Variants in ABCB11 observed in about 807,000 individuals in gnomAD.
ABCB11 encodes the protein ATP binding cassette subfamily B member 11, also known as bile salt export pump.
ABCB11 carries 95 observed loss-of-function variants against 148.0 expected under a neutral mutation model. The observed-to-expected ratio is 0.64, with a 90% CI of 0.54 to 0.76. ABCB11 has a LOEUF of 0.76. Among genes scored for constraint, ABCB11 ranks in the 30% least tolerant of loss-of-function variants. ABCB11 has a pLI of 0.00. For synonymous variants in ABCB11, 591 were observed against 555.4 expected, an observed-to-expected ratio of 1.06 and a Z score of -0.90; for missense variants, 1,523 against 1,617.8, an observed-to-expected ratio of 0.94 and a Z score of 1.01.
At position 169,004,245 on chromosome 2, in the gene ABCB11, A is replaced by G. The variant is rs1023452623; in HGVS notation, c.390-7523T>C. The stretch of plus-strand genomic sequence containing the variant: ...CAGCAAGGCCAGGGAAGTTTTCCTC[A>G]ATTATTCCTTCAGATATATTTTCCA... On this transcript the variant is annotated intron_variant, in intron 5 of 27. Transcript: ENST00000650372. Among the ~76,000 whole-genome samples the G allele has an allele frequency of 4.6e-5, 7 of 152,284 alleles. No individual in the cohort carries two copies. In the East Asian group the frequency reaches 1.4e-3, roughly 29 times the overall value.
intron 19 of ABCB11, among the ~76,000 whole-genome samples, chr2:168,946,337 A>G (rs902072702): frequency 2.0e-5 from 3 of 151,934 alleles, no homozygotes; most frequent in African/African-American, 7.2e-5. Flanking sequence ...CTTGGAAACA[A>G]TATGTGCTAC....
intron 12 of ABCB11, among the ~76,000 whole-genome samples, chr2:168,974,231 A>G (rs1416869890): frequency 6.6e-6 from 1 of 152,020 alleles, no homozygotes; most frequent in Non-Finnish European, 1.5e-5. Flanking sequence ...AGTTAGAAAT[A>G]TAGTACTAAT....
chr2:168,964,359 C>A lies in ABCB11; in HGVS notation c.2076-51G>T. ...AGTGTAGACTGTGGCCAGATTGGAG[C>A]AGGATCAACTGGTGTCCAAGTTTAC... On this transcript the variant is annotated intron_variant, in intron 17 of 27. Coordinates refer to ENST00000650372, the MANE Select transcript of ABCB11 (RefSeq NM_003742.4). 4 of 1,388,480 alleles carry A rather than the reference C, an allele frequency of 2.9e-6. No individual in the cohort carries two copies. The South Asian group carries it at 5.0e-5, about 17-fold the overall frequency. The allele number at this position is 1,388,480 out of a possible 1,614,324, so 86.0% of individuals were successfully genotyped here.
intron 21 of ABCB11, among the ~76,000 whole-genome samples, chr2:168,940,035 CTCTT>C (rs1691994392): frequency 6.6e-6 from 1 of 152,062 alleles, no homozygotes. Flanking sequence ...CTGTCTCTCT[CTCTT>C]TCTATCCTCA....
At chr2:168,968,990 A>G (rs756482129) in intron 16 of ABCB11, among the ~76,000 whole-genome samples, 3 of 151,918 alleles carry the variant, frequency 2.0e-5, no homozygotes, top group Non-Finnish European at 2.9e-5. Context: ...AACCTGAAGT[A>G]TCTATCTACA....
chr2:168,928,225 C>T (rs1559177242), intron 25 of ABCB11, among the ~76,000 whole-genome samples: 1 of 152,132 alleles, frequency 6.6e-6, no homozygotes. Context: ...TTATCTTGCT[C>T]TACTCATTTT....
At chr2:168,935,144 G>T (rs543894488) in intron 23 of ABCB11, 40 bp downstream of exon 23, 1 of 1,610,354 alleles carries the variant, frequency 6.2e-7, no homozygotes. Context: ...TTCCTTCCTT[G>T]TGTGTTGATC....
intron 10 of ABCB11, among the ~76,000 whole-genome samples, chr2:168,981,496 A>C (rs1694136587): frequency 6.6e-6 from 1 of 152,168 alleles, no homozygotes; most frequent in South Asian, 2.1e-4. Flanking sequence ...CAAATGAGAT[A>C]ATGTGTGTAA....
intron 12 of ABCB11, among the ~76,000 whole-genome samples, chr2:168,974,603 C>T (rs1693732213): frequency 6.6e-6 from 1 of 151,868 alleles, no homozygotes; most frequent in Non-Finnish European, 1.5e-5. Flanking sequence ...AGCAAGCAGG[C>T]ATCAAATGTG....
In ABCB11 at chr2:168,932,359, T is replaced by G. The variant is rs917851271; in HGVS notation, c.3213+18A>C. On this transcript the variant is annotated intron_variant, in intron 24 of 27. Coordinates refer to ENST00000650372, the MANE Select transcript of ABCB11 (RefSeq NM_003742.4). ...GAACTCATCCTTTTTTATGGCTGCA[T>G]AGTATTCCAACACTTACCCATTTTT... The G allele has an allele frequency of 6.5e-6, 10 of 1,547,400 alleles. No homozygotes were observed. The highest frequency in any genetic ancestry group is 7.0e-6 in the Non-Finnish European group (8 of 1,143,412).
In ABCB11 at chr2:169,013,427, G is replaced by A. The variant is rs752486437; in HGVS notation, c.234C>T (p.Gly78=). Residue 78 remains glycine, a synonymous_variant, in exon 5 of 28, where the codon GGC becomes GGT. Coordinates refer to ENST00000650372, the MANE Select transcript of ABCB11 (RefSeq NM_003742.4). ...CAFLHGIAQP[G]VLLIFGTMTD... is the part of the protein sequence containing the mutation. ...TCATTGTGCCAAAAATGAGTAGCACGCCTGGCTGGGCTATTCCATGGAGAA... is the reference window on the plus strand; with the variant it reads ...TCATTGTGCCAAAAATGAGTAGCACACCTGGCTGGGCTATTCCATGGAGAA... The A allele has an allele frequency of 2.0e-5, 33 of 1,613,662 alleles. No individual in the cohort carries two copies. Among genetic ancestry groups the A allele is most frequent in the Middle Eastern group, 3.3e-4 (2 of 6,078 alleles).
At position 168,927,236 on chromosome 2, in the gene ABCB11, T is replaced by C; in HGVS notation, c.3538A>G (p.Thr1180Ala). 4 of 1,613,858 alleles carry C rather than the reference T, an allele frequency of 2.5e-6. No homozygotes were observed. The South Asian group carries it at 4.4e-5, about 18-fold the overall frequency. The change falls in exon 26 of 28, where the codon ACC becomes GCC. Residue 1180 changes from threonine (T) to alanine (A), a missense_variant. Transcript: ENST00000650372. The part of the protein sequence containing the change: ...IMDNIKYGDN[T>A]KEIPMERVIA... ...ACTCTTTCCATGGGAATTTCTTTGG[T>C]GTTGTCTCCATACTTGATATTGTCC...
At chr2:168,991,293 G>A (rs745455542) in intron 8 of ABCB11, among the ~76,000 whole-genome samples, 11 of 151,946 alleles carry the variant, frequency 7.2e-5, no homozygotes, top group Non-Finnish European at 1.3e-4. Context: ...ATAGACAAAC[G>A]CCAGAGACAC....
Position 168,944,676 on chromosome 2 carries a change from AC to A in ABCB11, c.2538del (p.Trp846CysfsTer12). 1 of 1,612,862 alleles carries A rather than the reference AC, an allele frequency of 6.2e-7. No individual in the cohort carries two copies. Among genetic ancestry groups the A allele is most frequent in the Non-Finnish European group, 8.5e-7 (1 of 1,179,240 alleles). On this transcript the variant is annotated frameshift_variant, in exon 21 of 28. Transcript: ENST00000650372. LOFTEE classifies it high-confidence loss of function. ...FRAMLGQDIA[W>X]FDDLRNSPGA... ...CCAGGGCTATTTCTGAGGTCATCAAACCAGGCAATATCTTGCCCCAGCATTG... is the reference window on the plus strand; with the variant it reads ...CCAGGGCTATTTCTGAGGTCATCAAACAGGCAATATCTTGCCCCAGCATTG...
intron 11 of ABCB11, among the ~76,000 whole-genome samples, chr2:168,978,347 G>T (rs1265168123): frequency 6.6e-6 from 1 of 151,654 alleles, no homozygotes. Flanking sequence ...GGTTGCCCAG[G>T]CTTGTCTCAA....
At position 168,958,009 on chromosome 2, in the gene ABCB11, C is replaced by A. The variant is rs200087122; in HGVS notation, c.2298G>T (p.Gly766=). ...AAAAGGCATACAAGGGTGTGACTGT[C>A]CCGTTCACAGCTGCACCCACAGACC... ...LVGSVGAAVN[G]TVTPLYAFLF... Residue 766 remains glycine, a synonymous_variant, in exon 19 of 28, where the codon GGG becomes GGT. Coordinates refer to ENST00000650372, the MANE Select transcript of ABCB11 (RefSeq NM_003742.4). 6 of 1,609,202 alleles carry A rather than the reference C, an allele frequency of 3.7e-6. No homozygotes were observed. In the African/African-American group the frequency reaches 5.4e-5, roughly 14 times the overall value.
chr2:168,979,747 AG>A (rs1201159594), intron 11 of ABCB11, 118 bp downstream of exon 11: 2 of 465,500 alleles, frequency 4.3e-6, no homozygotes, highest in Non-Finnish European at 7.8e-6. Context: ...TGCTGAATTA[AG>A]GGCCTTGCGA....
intron 1 of ABCB11, among the ~76,000 whole-genome samples, chr2:169,019,731 A>T (rs930103449): frequency 2.0e-5 from 3 of 152,210 alleles, no homozygotes; most frequent in Admixed American, 1.3e-4. Flanking sequence ...GTGAAAGGGG[A>T]AAATGCATAT....
chr2:168,916,559 C>T (rs1311895527), downstream of ABCB11, among the ~76,000 whole-genome samples: 6 of 152,168 alleles, frequency 3.9e-5, no homozygotes, highest in East Asian at 3.8e-4. Context: ...ATGTGCATTG[C>T]TTTATTTACA....
Sources: allele counts gnomAD v4.1 joint callset (sites outside exome capture counted in the v4.1 genomes callset), GRCh38; gene constraint gnomAD v4.1.1; transcripts MANE v1.5; gene names NCBI Gene and HGNC (gene_info 2026-07-23, HGNC 2026-07-21).